The following ADAM10 variants were observed in gnomAD, a reference collection of about 807,000 sequenced individuals.
The protein encoded by ADAM10 is ADAM metallopeptidase domain 10, also known as disintegrin and metalloproteinase domain-containing protein 10.
ADAM10 carries 17 observed loss-of-function variants against 90.1 expected under a neutral mutation model. The observed-to-expected ratio is 0.19, with a 90% CI of 0.13 to 0.28. The LOEUF (loss-of-function observed/expected upper bound fraction) is 0.28, where lower values mean the gene tolerates loss of function less well. ADAM10 is among the 10% of genes least tolerant of loss of function. ADAM10 has a pLI of 1.00. For synonymous variants in ADAM10, 310 were observed against 298.6 expected (o/e 1.04, Z -0.40); for missense variants, 610 against 914.3 (o/e 0.67, Z 4.29).
Position 58,661,568 on chromosome 15 carries a change from T to C in ADAM10, c.585+3529A>G, listed in dbSNP as rs530565507. ...GTATCTCCTTTTCTCTGCCTGCTTTTATGGTTTTTTATGATTTTCAGGTGT... is the reference window on the plus strand; with the variant it reads ...GTATCTCCTTTTCTCTGCCTGCTTTCATGGTTTTTTATGATTTTCAGGTGT... On this transcript the variant is annotated intron_variant, in intron 5 of 15. Transcript: ENST00000260408. 2.2e-3 allele frequency among the ~76,000 whole-genome samples: 333 copies of C among 152,276 alleles called. 2 individuals are homozygous for C. Among genetic ancestry groups the C allele is most frequent in the Non-Finnish European group, 2.0e-3 (134 of 68,012 alleles).
intron 11 of ADAM10, among the ~76,000 whole-genome samples, chr15:58,617,997 C>G (rs1895668451): frequency 6.6e-6 from 1 of 151,420 alleles, no homozygotes; most frequent in Non-Finnish European, 1.5e-5. Flanking sequence ...CAATGTAATG[C>G]CTATCCAAAT....
At chr15:58,645,402 T>C (rs1017086083) in intron 6 of ADAM10, among the ~76,000 whole-genome samples, 5 of 152,188 alleles carry the variant, frequency 3.3e-5, no homozygotes, top group Non-Finnish European at 7.3e-5. Context: ...CCACATTCAA[T>C]CTCTCAAGGC....
intron 1 of ADAM10, among the ~76,000 whole-genome samples, chr15:58,740,333 C>T (rs536092281): frequency 1.3e-5 from 2 of 151,808 alleles, no homozygotes; most frequent in African/African-American, 4.8e-5. Context: ...CGCTTAAACC[C>T]AGAAGGCAGG....
chr15:58,659,961 C>A (rs201296674), intron 5 of ADAM10, among the ~76,000 whole-genome samples: 1 of 152,206 alleles, frequency 6.6e-6, no homozygotes, highest in Admixed American at 6.5e-5. Flanking sequence ...ATCTCCTGAT[C>A]TTGTGATCCG....
At chr15:58,743,086 T>C (rs1166385176) in intron 1 of ADAM10, among the ~76,000 whole-genome samples, 1 of 151,872 alleles carries the variant, frequency 6.6e-6, no homozygotes, top group East Asian at 1.9e-4. Context: ...AACAAAAACC[T>C]GGGCCTCTTT....
chr15:58,665,062 A>T (rs779697415), intron 5 of ADAM10, 35 bp downstream of exon 5: 1 of 1,457,454 alleles, frequency 6.9e-7, no homozygotes, highest in East Asian at 2.3e-5. Context: ...ATTCATTTCC[A>T]TTTCCTAAAT....
In ADAM10 at chr15:58,596,779, C is replaced by A. The variant is rs1000682091; in HGVS notation, c.*768G>T. The A allele has an allele frequency of 6.5e-6, 1 of 152,672 alleles. No individual in the cohort carries two copies. The highest frequency in any genetic ancestry group is 1.9e-4 in the East Asian group (1 of 5,210). 9.5% of individuals were successfully genotyped at this position (152,672 alleles called of 1,614,324 possible). Reference sequence around the variant, plus strand: ...TATGTGCTGCTATGTCCAGTTTGCACAACACTTAACTGTGTTCTTCAGTAT... The same window carrying A: ...TATGTGCTGCTATGTCCAGTTTGCAAAACACTTAACTGTGTTCTTCAGTAT... On this transcript the variant is annotated 3_prime_UTR_variant, in exon 16 of 16. Coordinates refer to ENST00000260408, the MANE Select transcript of ADAM10 (RefSeq NM_001110.4).
At chr15:58,611,734 T>C (rs141842077) in intron 12 of ADAM10, 74 bp downstream of exon 12, 30 of 1,407,010 alleles carry the variant, frequency 2.1e-5, no homozygotes, top group Middle Eastern at 1.8e-4. Flanking sequence ...ACTATGTAGC[T>C]TTAAGCATCA....
intron 2 of ADAM10, chr15:58,692,715 C>T (rs748574653): frequency 7.0e-6 from 4 of 567,946 alleles, no homozygotes; most frequent in South Asian, 2.8e-5. Flanking sequence ...TGAAGGAACT[C>T]CCAGCAGAAG....
At chr15:58,659,474 G>A (rs1896917212) in intron 5 of ADAM10, among the ~76,000 whole-genome samples, 1 of 152,136 alleles carries the variant, frequency 6.6e-6, no homozygotes, top group African/African-American at 2.4e-5. Flanking sequence ...GATAATCAGA[G>A]GGGTTTCATC....
In ADAM10 at chr15:58,653,117, T is replaced by A. The variant is rs71478682; in HGVS notation, c.586-6913A>T. On this transcript the variant is annotated intron_variant, in intron 5 of 15. Transcript: ENST00000260408. ...TTTATCAGTTCTAATAGTTTTTTGG[T>A]GGAGTCTATGGGTTTTTCCAAATAT... Among the ~76,000 whole-genome samples the A allele has an allele frequency of 7.5e-3, 1,149 of 152,292 alleles. 7 individuals are homozygous for A. The highest frequency in any genetic ancestry group is 0.012 in the Non-Finnish European group (837 of 67,998).
intron 2 of ADAM10, among the ~76,000 whole-genome samples, chr15:58,695,796 C>A (rs1238443449): frequency 8.5e-5 from 13 of 152,122 alleles, no homozygotes; most frequent in African/African-American, 3.1e-4. Flanking sequence ...GCCTGGCCAA[C>A]GTGGTGAAAC....
chr15:58,649,778 A>G (rs1260495409), intron 5 of ADAM10, among the ~76,000 whole-genome samples: 1 of 152,168 alleles, frequency 6.6e-6, no homozygotes, highest in Admixed American at 6.5e-5. Flanking sequence ...AGTGTAAAGC[A>G]TTTATCCTGC....
intron 1 of ADAM10, among the ~76,000 whole-genome samples, chr15:58,723,807 A>G (rs1313856814): frequency 6.6e-6 from 1 of 152,220 alleles, no homozygotes; most frequent in African/African-American, 2.4e-5. Flanking sequence ...ACATTGTAAA[A>G]ACACACTGGA....
chr15:58,687,339 C>A (rs1244793459), intron 2 of ADAM10, among the ~76,000 whole-genome samples: 1 of 152,122 alleles, frequency 6.6e-6, no homozygotes, highest in South Asian at 2.1e-4. Context: ...TGTGGCTGTA[C>A]TTAAAGAAAT....
intron 4 of ADAM10, among the ~76,000 whole-genome samples, chr15:58,676,992 A>C (rs1189851199): frequency 6.6e-6 from 1 of 152,222 alleles, no homozygotes; most frequent in East Asian, 1.9e-4. Context: ...AGAATTTGCG[A>C]ACCACGGTCT....
intron 1 of ADAM10, among the ~76,000 whole-genome samples, chr15:58,728,268 T>C (rs1261682256): frequency 6.6e-6 from 1 of 152,154 alleles, no homozygotes; most frequent in African/African-American, 2.4e-5. Flanking sequence ...AGAAAGTATT[T>C]TGAGTTGACT....
In ADAM10 at chr15:58,594,190, T is replaced by A. The variant is rs951124872; in HGVS notation, c.*3357A>T. Reference sequence around the variant, plus strand: ...GCTTGCACCCTGGTTTTGGGAAACCTTGACCCTTTAAATATGGATAATGAA... The same window carrying A: ...GCTTGCACCCTGGTTTTGGGAAACCATGACCCTTTAAATATGGATAATGAA... On this transcript the variant is annotated 3_prime_UTR_variant, in exon 16 of 16. Coordinates refer to ENST00000260408, the MANE Select transcript of ADAM10 (RefSeq NM_001110.4). The A allele has an allele frequency of 2.0e-5, 3 of 152,212 alleles. No individual in the cohort carries two copies. Among genetic ancestry groups the A allele is most frequent in the Admixed American group, 6.5e-5 (1 of 15,282 alleles). The allele number at this position is 152,212 out of a possible 1,614,324, so 9.4% of individuals were successfully genotyped here.
At chr15:58,643,145 C>T (rs185294388) in intron 7 of ADAM10, among the ~76,000 whole-genome samples, 9 of 151,834 alleles carry the variant, frequency 5.9e-5, no homozygotes, top group Admixed American at 6.6e-5. Flanking sequence ...TTAGAATATT[C>T]AGAAATCTTT....
Sources: gnomAD v4.1 joint callset for allele counts (sites outside exome capture counted in the v4.1 genomes callset) on GRCh38, gnomAD v4.1.1 for gene constraint, MANE v1.5 for transcripts, NCBI Gene and HGNC (gene_info 2026-07-23, HGNC 2026-07-21) for gene names.